KIR2DL3: variants seen among roughly 807,000 people sequenced by gnomAD.
KIR2DL3 encodes the protein killer cell immunoglobulin-like receptor 2DL3.
A neutral mutation model predicts 33.8 loss-of-function variants in KIR2DL3; 39 were observed. The observed-to-expected ratio is 1.15, with a 90% confidence interval of 0.89 to 1.51. The LOEUF (loss-of-function observed/expected upper bound fraction) is 1.51, where lower values mean the gene tolerates loss of function less well. Ranked by LOEUF, KIR2DL3 falls within the 40% of genes most tolerant of loss-of-function variation. KIR2DL3 has a pLI of 0.00. For synonymous variants in KIR2DL3, 174 were observed against 160.2 expected (o/e 1.09, Z -0.65); for missense variants, 462 against 426.2 (o/e 1.08, Z -0.74).
chr19:54,739,232 C>A (rs1277973643), intron 1 of KIR2DL3, among the ~76,000 whole-genome samples: 2 of 97,934 alleles, frequency 2.0e-5, no homozygotes, highest in Non-Finnish European at 4.9e-5. Context: ...GAGATAGGGG[C>A]CTAGGGTGGA....
rs545439966 is a variant in KIR2DL3 at position 54,751,931 on chromosome 19, C to T, written c.820+178C>T. On this transcript the variant is annotated intron_variant, in intron 6 of 7. Transcript: ENST00000342376. ...CTGTCCCTGCCTTCAGCTCACAGAC[C>T]ATTGCCTGATTCTGAACTGTATCCT... Among the ~76,000 whole-genome samples the T allele has an allele frequency of 4.5e-5, 6 of 133,754 alleles. 1 individual carries two copies. In the South Asian group the frequency reaches 1.6e-3, roughly 36 times the overall value. The allele number at this position is 133,754 out of a possible 152,430, so 87.7% of individuals were successfully genotyped here. A position where few individuals can be genotyped will look rare whatever the true frequency, so the allele number is the denominator to read the frequency against.
intron 5 of KIR2DL3, among the ~76,000 whole-genome samples, chr19:54,749,448 T>TTGCAGGGA (rs2073102628): frequency 1.6e-5 from 2 of 122,302 alleles, no homozygotes; most frequent in Non-Finnish European, 3.8e-5. Context: ...GTAGAATCAT[T>TTGCAGGGA]GACTGGAAAC....
intron 2 of KIR2DL3, among the ~76,000 whole-genome samples, chr19:54,741,282 G>C (rs1382475296): frequency 2.0e-5 from 3 of 151,356 alleles, no homozygotes; most frequent in Non-Finnish European, 2.9e-5. Context: ...AGAGGTTGCA[G>C]TGAGCCTAGA....
At chr19:54,749,574 T>G (rs199687015) in intron 5 of KIR2DL3, among the ~76,000 whole-genome samples, 14,701 of 81,318 alleles carry the variant, frequency 0.18, 1,454 homozygotes, top group Middle Eastern at 0.26. Context: ...GATATATGAG[T>G]GGTGGTGGAA....
At chr19:54,750,290 C>T (rs75471068) in intron 5 of KIR2DL3, among the ~76,000 whole-genome samples, 11,804 of 110,676 alleles carry the variant, frequency 0.11, 1,043 homozygotes, top group South Asian at 0.2. Flanking sequence ...GAGATCAGTG[C>T]CAGCACTAGC....
intron 2 of KIR2DL3, among the ~76,000 whole-genome samples, 193 bp downstream of exon 2, chr19:54,739,735 G>A (rs1311089761): frequency 3.3e-5 from 5 of 152,168 alleles, no homozygotes; most frequent in Admixed American, 6.5e-5. Context: ...GGGGACCAGG[G>A]TTAGACTGGG....
intron 5 of KIR2DL3, among the ~76,000 whole-genome samples, chr19:54,748,477 A>C (rs2072908767): frequency 7.2e-6 from 1 of 139,702 alleles, no homozygotes; most frequent in South Asian, 2.5e-4. Context: ...GCCTTCCACA[A>C]ACGGTGAACA....
Position 54,752,268 on chromosome 19 carries a change from G to T in KIR2DL3, c.873G>T (p.Glu291Asp), listed in dbSNP as rs2073572896. The T allele has an allele frequency of 2.7e-6, 4 of 1,485,182 alleles. 1 individual carries two copies. Among genetic ancestry groups the T allele is most frequent in the Non-Finnish European group, 3.7e-6 (4 of 1,087,468 alleles). The allele number at this position is 1,485,182 out of a possible 1,614,324, so 92.0% of individuals were successfully genotyped here. A position where few individuals can be genotyped will look rare whatever the true frequency, so the allele number is the denominator to read the frequency against. The change falls in exon 7 of 8, where the codon GAG (glutamate) becomes GAT (aspartate). Residue 291 changes from glutamate (E) to aspartate (D), a missense_variant and splice_region_variant. Transcript: ENST00000342376. Reference protein sequence around the residue: ...EPAGNRTVNREDSDEQDPQEV... With the variant: ...EPAGNRTVNRDDSDEQDPQEV... Reference sequence around the variant, plus strand: ...CAGGGAACAGAACAGTGAACAGGGAGGTAGGTGCTCCTCGGCCCAGCCTCG... The same window carrying T: ...CAGGGAACAGAACAGTGAACAGGGATGTAGGTGCTCCTCGGCCCAGCCTCG...
rs1260888122 is a variant in KIR2DL3 at position 54,742,678 on chromosome 19, C to T, written c.370+399C>T. ...ACCCATATTTATGACCTGAGTTGGG[C>T]CCTGTGGCCTCAGGCCTTGTGGCAC... On this transcript the variant is annotated intron_variant, in intron 3 of 7. Transcript: ENST00000342376. Among the ~76,000 whole-genome samples, 2 of 149,994 alleles carry T rather than the reference C, an allele frequency of 1.3e-5. 1 individual carries two copies. Among genetic ancestry groups the T allele is most frequent in the African/African-American group, 5.0e-5 (2 of 40,340 alleles).
rs1568969043 is a variant in KIR2DL3, at chr19:54,744,919, A to ATATAT, written c.664+831_664+832insTATAT. On this transcript the variant is annotated intron_variant, in intron 4 of 7. Coordinates refer to ENST00000342376, the MANE Select transcript of KIR2DL3 (RefSeq NM_015868.3). The stretch of plus-strand genomic sequence containing the variant: ...ATATACACACACACACACATATATA[A>ATATAT]ACATATATATATATATATATATATA... Among the ~76,000 whole-genome samples the ATATAT allele has an allele frequency of 1.7e-3, 68 of 40,968 alleles. 1 individual carries two copies. The highest frequency in any genetic ancestry group is 3.2e-3 in the Non-Finnish European group (59 of 18,622). The allele number at this position is 40,968 out of a possible 152,430, so 26.9% of individuals were successfully genotyped here.
Position 54,739,511 on chromosome 19 carries a change from C to G in KIR2DL3, c.39C>G (p.Phe13Leu). Residue 13 changes from phenylalanine (F) to leucine (L), a missense_variant, in exon 2 of 8, where the codon TTC becomes TTG. Coordinates refer to ENST00000342376, the MANE Select transcript of KIR2DL3 (RefSeq NM_015868.3). Reference sequence around the variant, plus strand: ...CATCATGATCTTTCTTTCCAGGGTTCTTCTTGCTGCAGGGGGCCTGGCCAC... The same window carrying G: ...CATCATGATCTTTCTTTCCAGGGTTGTTCTTGCTGCAGGGGGCCTGGCCAC... ...LMVVSMVCVG[F>L]FLLQGAWPHE... is the part of the protein sequence containing the mutation. 6.2e-7 allele frequency: 1 copy of G among 1,613,788 alleles called. No homozygotes were observed. Among genetic ancestry groups the G allele is most frequent in the South Asian group, 1.1e-5 (1 of 91,076 alleles).
At chr19:54,741,877 G>A (rs1156798656) in intron 2 of KIR2DL3, 103 bp from the exon 3 acceptor site, 11 of 1,310,570 alleles carry the variant, frequency 8.4e-6, no homozygotes, top group South Asian at 1.4e-5. Context: ...CAGAGAGGAA[G>A]GAGAGAGACA....
At chr19:54,744,876 A>ATATATATATATG (rs1309015903) in intron 4 of KIR2DL3, among the ~76,000 whole-genome samples, 1 of 70,756 alleles carries the variant, frequency 1.4e-5, no homozygotes, top group Admixed American at 1.5e-4. Flanking sequence ...ACATTTATAT[A>ATATATATATATG]TATATATATA....
At chr19:54,740,213 G>A (rs376316171) in intron 2 of KIR2DL3, among the ~76,000 whole-genome samples, 1 of 151,930 alleles carries the variant, frequency 6.6e-6, no homozygotes, top group East Asian at 1.9e-4. Context: ...CTGAGCACAG[G>A]GAGGGAAGGG....
chr19:54,741,611 T>G (rs1447050177), intron 2 of KIR2DL3, among the ~76,000 whole-genome samples: 1 of 151,854 alleles, frequency 6.6e-6, no homozygotes, highest in Non-Finnish European at 1.5e-5. Context: ...TGCCAAGGAT[T>G]GCAATTCATC....
intron 4 of KIR2DL3, among the ~76,000 whole-genome samples, chr19:54,744,942 ATATATATATATATTTTTTTTTTTTTTTTT>A (rs2072150059): frequency 4.1e-5 from 1 of 24,218 alleles, no homozygotes; most frequent in African/African-American, 1.3e-4. Context: ...ATATATATAT[ATATATATATATATTTTTTTTTTTTTTTTT>A]TTTTTTACCC....
chr19:54,752,600 A>C lies in KIR2DL3; in HGVS notation c.*81A>C. Reference sequence around the variant, plus strand: ...AGGGAGACAACAGCCCTGTCTCAAAACTGGGTTGCCAGCTCCAATGTACCA... The same window carrying C: ...AGGGAGACAACAGCCCTGTCTCAAACCTGGGTTGCCAGCTCCAATGTACCA... On this transcript the variant is annotated 3_prime_UTR_variant, in exon 8 of 8. Transcript: ENST00000342376. 2 of 1,437,354 alleles carry C rather than the reference A, an allele frequency of 1.4e-6. No individual in the cohort carries two copies. The highest frequency in any genetic ancestry group is 1.3e-5 in the South Asian group (1 of 74,884). 89.0% of individuals were successfully genotyped at this position (1,437,354 alleles called of 1,614,324 possible).
intron 5 of KIR2DL3, 47 bp downstream of exon 5, chr19:54,747,432 T>G: frequency 6.3e-7 from 1 of 1,591,120 alleles, no homozygotes; most frequent in Non-Finnish European, 8.6e-7. Context: ...CCTGGGGAGG[T>G]AGAAACCTTC....
intron 6 of KIR2DL3, 113 bp downstream of exon 6, chr19:54,751,866 GC>G: frequency 2.1e-6 from 2 of 939,894 alleles, no homozygotes; most frequent in Non-Finnish European, 3.2e-6. Context: ...CAAGGCAGCA[GC>G]CACAGAGGGA....
Sources: gnomAD v4.1 joint callset for allele counts (sites outside exome capture counted in the v4.1 genomes callset) on GRCh38, gnomAD v4.1.1 for gene constraint, MANE v1.5 for transcripts, NCBI Gene and HGNC (gene_info 2026-07-23, HGNC 2026-07-21) for gene names.